Variants in C1orf115 observed in about 807,000 individuals in gnomAD.
The protein encoded by C1orf115 is chromosome 1 open reading frame 115, also known as required for drug-induced death protein 1.
A neutral mutation model predicts 12.5 loss-of-function variants in C1orf115; 14 were observed. The ratio of observed to expected loss-of-function variants is 1.12; its 90% CI spans 0.74 to 1.75. C1orf115 has a LOEUF of 1.75. C1orf115 is among the 40% of genes most tolerant of loss of function. C1orf115 has a pLI of 0.00. For missense variants in C1orf115, 237 were observed against 220.8 expected, an observed-to-expected ratio of 1.07 and a Z score of -0.46; for synonymous variants, 109 against 104.6, an observed-to-expected ratio of 1.04 and a Z score of -0.26.
intron 1 of C1orf115, among the ~76,000 whole-genome samples, chr1:220,693,538 A>G (rs1203198297): frequency 6.6e-6 from 1 of 152,218 alleles, no homozygotes; most frequent in Non-Finnish European, 1.5e-5. Flanking sequence ...TCTCTTAGCA[A>G]CATCACATAC....
rs1670232445 is a variant in C1orf115 at position 220,698,955 on chromosome 1, C to G, written c.*2224C>G. ...TGCCCTGGGTTTCTCTTACTCAATCCCTGGAGTGTAAGCATTTGGATTGTG... is the reference window on the plus strand; with the variant it reads ...TGCCCTGGGTTTCTCTTACTCAATCGCTGGAGTGTAAGCATTTGGATTGTG... On this transcript the variant is annotated 3_prime_UTR_variant, in exon 2 of 2. Transcript: ENST00000294889. 6.6e-6 allele frequency: 1 copy of G among 152,110 alleles called. No homozygotes were observed. Among genetic ancestry groups the G allele is most frequent in the Non-Finnish European group, 1.5e-5 (1 of 68,012 alleles). 9.4% of individuals were successfully genotyped at this position (152,110 alleles called of 1,614,324 possible).
At position 220,696,696 on chromosome 1, in the gene C1orf115, G is replaced by T; in HGVS notation, c.394G>T (p.Ala132Ser). 1.9e-6 allele frequency: 3 copies of T among 1,600,248 alleles called. No homozygotes were observed. The highest frequency in any genetic ancestry group is 2.6e-6 in the Non-Finnish European group (3 of 1,168,400). ...GFAAAYSAPF[A>S]VATSVVSFVR ...CGCTGCAGCCTACTCCGCCCCGTTT[G>T]CGGTAGCCACCAGCGTGGTATCCTT... The change falls in exon 2 of 2, where the codon GCG (alanine) becomes TCG (serine). Residue 132 changes from alanine (A) to serine (S), a missense_variant. Physicochemically the swap from Ala to Ser is moderately conservative, Grantham distance 99. Coordinates refer to ENST00000294889, the MANE Select transcript of C1orf115 (RefSeq NM_024709.5).
At chr1:220,696,463 A>C in intron 1 of C1orf115, 149 bp from the exon 2 acceptor site, 1 of 893,004 alleles carries the variant, frequency 1.1e-6, no homozygotes, top group Non-Finnish European at 1.6e-6. Flanking sequence ...AGATGTGGGA[A>C]TGTGGTAACT....
chr1:220,690,571 GA>G lies in C1orf115; in HGVS notation c.170del (p.Asp57AlafsTer42). 1 of 1,491,404 alleles carries G rather than the reference GA, an allele frequency of 6.7e-7. No homozygotes were observed. The highest frequency in any genetic ancestry group is 8.9e-7 in the Non-Finnish European group (1 of 1,124,466). The allele number at this position is 1,491,404 out of a possible 1,614,324, so 92.4% of individuals were successfully genotyped here. On this transcript the variant is annotated frameshift_variant, in exon 1 of 2. Transcript: ENST00000294889. LOFTEE classifies it high-confidence loss of function. ...AAAESGTSAA[D>X]ERGPGTRGAR... ...GGCCGAGAGCGGGACGAGCGCGGCG[GA>G]CGAGCGGGGCCCGGGGACCCGGGGC...
chr1:220,695,543 C>T (rs1270816685), intron 1 of C1orf115, among the ~76,000 whole-genome samples: 1 of 129,898 alleles, frequency 7.7e-6, no homozygotes, highest in Non-Finnish European at 1.5e-5. Flanking sequence ...GGGATCATCT[C>T]ATGAAGGTAT....
intron 1 of C1orf115, among the ~76,000 whole-genome samples, chr1:220,693,144 C>T (rs549533181): frequency 4.2e-4 from 64 of 152,284 alleles, no homozygotes; most frequent in African/African-American, 1.5e-3. Flanking sequence ...GGGTAGAAAG[C>T]TCTACTCAGA....
At chr1:220,696,524 C>T (rs538616581) in intron 1 of C1orf115, 88 bp from the exon 2 acceptor site, 38 of 1,403,756 alleles carry the variant, frequency 2.7e-5, no homozygotes, top group Middle Eastern at 1.9e-4. Flanking sequence ...TATATGTCGC[C>T]GTGACTCATT....
At chr1:220,696,045 A>T (rs1670189606) in intron 1 of C1orf115, among the ~76,000 whole-genome samples, 1 of 152,152 alleles carries the variant, frequency 6.6e-6, no homozygotes, top group Non-Finnish European at 1.5e-5. Flanking sequence ...CCCAAGCCTG[A>T]CCATCAGGGA....
intron 1 of C1orf115, among the ~76,000 whole-genome samples, chr1:220,695,376 G>A (rs533330671): frequency 6.6e-6 from 1 of 152,142 alleles, no homozygotes; most frequent in Admixed American, 6.6e-5. Context: ...GGAATGGCTT[G>A]GGGGAAGAAG....
chr1:220,690,927 C>T (rs1381060939), intron 1 of C1orf115, among the ~76,000 whole-genome samples: 1 of 152,160 alleles, frequency 6.6e-6, no homozygotes, highest in East Asian at 1.9e-4. Context: ...CCCTGCTGTG[C>T]CTGCTATTGC....
intron 1 of C1orf115, 105 bp from the exon 2 acceptor site, chr1:220,696,507 A>T: frequency 3.1e-6 from 4 of 1,290,704 alleles, no homozygotes; most frequent in Non-Finnish European, 4.2e-6. Context: ...AGGAAAAATG[A>T]TCTTTATATA....
Position 220,696,886 on chromosome 1 carries a change from C to G in C1orf115, c.*155C>G. Reference sequence around the variant, plus strand: ...AATCACATTAGTATGATGAGTGAGTCATCCCTGCCCATCTGCTGAGCTTCT... The same window carrying G: ...AATCACATTAGTATGATGAGTGAGTGATCCCTGCCCATCTGCTGAGCTTCT... On this transcript the variant is annotated 3_prime_UTR_variant, in exon 2 of 2. Transcript: ENST00000294889. 1.1e-6 allele frequency: 1 copy of G among 887,914 alleles called. No individual in the cohort carries two copies. The highest frequency in any genetic ancestry group is 2.8e-5 in the South Asian group (1 of 35,206). The allele number at this position is 887,914 out of a possible 1,614,324, so 55.0% of individuals were successfully genotyped here.
chr1:220,690,645 G>A lies in C1orf115; in HGVS notation c.243G>A (p.Leu81=). The A allele has an allele frequency of 6.3e-7, 1 of 1,587,104 alleles. No individual in the cohort carries two copies. Among genetic ancestry groups the A allele is most frequent in the Admixed American group, 1.7e-5 (1 of 57,180 alleles). The change falls in exon 1 of 2, where the codon CTG becomes CTA. Residue 81 remains leucine, a synonymous_variant. Coordinates refer to ENST00000294889, the MANE Select transcript of C1orf115 (RefSeq NM_024709.5). ...FALLPERYEP[L]EEPAPSEQPR... is the part of the protein sequence containing the mutation. ...TCCTGCCCGAGCGCTACGAGCCACT[G>A]GAGGAGCCGGCGCCGAGCGAGCAGC...
chr1:220,695,283 C>G (rs1358330136), intron 1 of C1orf115, among the ~76,000 whole-genome samples: 1 of 151,938 alleles, frequency 6.6e-6, no homozygotes, highest in Non-Finnish European at 1.5e-5. Context: ...TAATGGGATC[C>G]AATGGAGAGG....
At position 220,690,459 on chromosome 1, in the gene C1orf115, GC is replaced by G. The variant is rs1203563725; in HGVS notation, c.61del (p.Arg21GlufsTer78). 2.1e-6 allele frequency: 3 copies of G among 1,445,868 alleles called. No homozygotes were observed. Among genetic ancestry groups the G allele is most frequent in the East Asian group, 2.9e-5 (1 of 34,134 alleles). The allele number at this position is 1,445,868 out of a possible 1,614,324, so 89.6% of individuals were successfully genotyped here. A position where few individuals can be genotyped will look rare whatever the true frequency, so the allele number is the denominator to read the frequency against. The stretch of plus-strand genomic sequence containing the variant: ...CGGAGAGCAGCCTCCTGCGCCGCGG[GC>G]CCCGAGGGCGAGGGCGAACCGAGGG... ...KAESSLLRRG[P>X]RGRGRTEGDE... On this transcript the variant is annotated frameshift_variant, in exon 1 of 2. Coordinates refer to ENST00000294889, the MANE Select transcript of C1orf115 (RefSeq NM_024709.5). LOFTEE classifies it high-confidence loss of function.
At position 220,690,643 on chromosome 1, in the gene C1orf115, C is replaced by A; in HGVS notation, c.241C>A (p.Leu81Met). The change falls in exon 1 of 2, where the codon CTG (leucine) becomes ATG (methionine). Residue 81 changes from leucine to methionine, a missense_variant. Physicochemically the swap from Leu to Met is conservative, Grantham distance 15. Coordinates refer to ENST00000294889, the MANE Select transcript of C1orf115 (RefSeq NM_024709.5). ...CCTCCTGCCCGAGCGCTACGAGCCA[C>A]TGGAGGAGCCGGCGCCGAGCGAGCA... is the stretch of plus-strand genomic sequence containing the variant. ...FALLPERYEP[L>M]EEPAPSEQPR... 6.3e-7 allele frequency: 1 copy of A among 1,585,514 alleles called. No homozygotes were observed.
chr1:220,693,669 C>T (rs1572268489), intron 1 of C1orf115, among the ~76,000 whole-genome samples: 1 of 152,070 alleles, frequency 6.6e-6, no homozygotes, highest in South Asian at 2.1e-4. Context: ...CCTCATTTAG[C>T]GGGAGAGGTA....
chr1:220,690,796 C>T (rs1272109206), intron 1 of C1orf115, 85 bp downstream of exon 1: 1 of 1,455,868 alleles, frequency 6.9e-7, no homozygotes, highest in Non-Finnish European at 9.2e-7. Context: ...ACCATCGACT[C>T]ACCCAGTTTC....
At chr1:220,691,496 C>T (rs1477656606) in intron 1 of C1orf115, among the ~76,000 whole-genome samples, 1 of 152,172 alleles carries the variant, frequency 6.6e-6, no homozygotes, top group Non-Finnish European at 1.5e-5. Context: ...GGCCACGGGC[C>T]CCATCTGATT....
Sources: allele counts gnomAD v4.1 joint callset (sites outside exome capture counted in the v4.1 genomes callset), GRCh38; gene constraint gnomAD v4.1.1; transcripts MANE v1.5; gene names NCBI Gene and HGNC (gene_info 2026-07-23, HGNC 2026-07-21).